Variants in GRIN3A observed in about 807,000 individuals in gnomAD.
The protein encoded by GRIN3A is glutamate ionotropic receptor NMDA type subunit 3A, also known as glutamate receptor ionotropic, NMDA 3A.
Under a neutral mutation model 92.4 loss-of-function variants are expected in GRIN3A, and 47 were observed. That is an observed-to-expected ratio of 0.51 (90% CI 0.40 to 0.65). The LOEUF is 0.65. Among genes scored for constraint, GRIN3A ranks in the 30% least tolerant of loss-of-function variants. The probability of loss-of-function intolerance (pLI) is 0.00; values close to 1 mark genes in which losing one functional copy is unlikely to be tolerated. For synonymous variants in GRIN3A, 527 were observed against 540.6 expected (o/e 0.97, Z 0.35); for missense variants, 1,324 against 1,393.1 (o/e 0.95, Z 0.79).
Position 101,670,538 on chromosome 9 carries a change from G to C in GRIN3A, c.1874C>G (p.Ala625Gly). The C allele has an allele frequency of 6.2e-7, 1 of 1,613,992 alleles. No homozygotes were observed. The highest frequency in any genetic ancestry group is 8.5e-7 in the Non-Finnish European group (1 of 1,179,950). The change falls in exon 3 of 9, where the codon GCC becomes GGC. Residue 625 changes from alanine to glycine, a missense_variant. Ala to Gly is a moderately conservative substitution (Grantham distance 60). Transcript: ENST00000361820. ...GCTAAAGGAAGTGACTGCCATGTGG[G>C]CAGTCCCTCTCAGGAGATCACCCAC... is the stretch of plus-strand genomic sequence containing the variant. ...GLVGDLLRGTAHMAVTSFSIN... is the reference protein window; with the variant it reads ...GLVGDLLRGTGHMAVTSFSIN...
rs1564121654 is a variant in GRIN3A, at chr9:101,594,792, T to A, written c.2767-15432A>T. On this transcript the variant is annotated intron_variant, in intron 6 of 8. Coordinates refer to ENST00000361820, the MANE Select transcript of GRIN3A (RefSeq NM_133445.3). ...TTGTGGCGCAGCTCCGGCAGGGACA[T>A]GAACTCCTCCACGCTCAGAGACCCT... 1.9e-6 allele frequency: 3 copies of A among 1,613,554 alleles called. No homozygotes were observed. In the East Asian group the frequency reaches 6.7e-5, roughly 36 times the overall value.
At chr9:101,633,619 T>A (rs866892187) in intron 3 of GRIN3A, among the ~76,000 whole-genome samples, 52 of 152,308 alleles carry the variant, frequency 3.4e-4, no homozygotes, top group African/African-American at 1.2e-3. Flanking sequence ...AGCGGCATGA[T>A]ATTCTCATAG....
At chr9:101,672,438 C>A (rs1829339996) in intron 2 of GRIN3A, among the ~76,000 whole-genome samples, 1 of 151,890 alleles carries the variant, frequency 6.6e-6, no homozygotes, top group South Asian at 2.1e-4. Context: ...TATGATAAAT[C>A]CATGGCAGTT....
intron 1 of GRIN3A, among the ~76,000 whole-genome samples, chr9:101,731,624 T>A (rs948482483): frequency 2.6e-5 from 4 of 152,174 alleles, no homozygotes; most frequent in African/African-American, 9.7e-5. Flanking sequence ...AGTTTACTCC[T>A]CATGACATAA....
In GRIN3A at chr9:101,738,078, C is replaced by T; in HGVS notation, c.-99G>A. 4 of 996,452 alleles carry T rather than the reference C, an allele frequency of 4.0e-6. No individual in the cohort carries two copies. Among genetic ancestry groups the T allele is most frequent in the Non-Finnish European group, 6.1e-6 (4 of 656,314 alleles). The allele number at this position is 996,452 out of a possible 1,614,324, so 61.7% of individuals were successfully genotyped here. A position where few individuals can be genotyped will look rare whatever the true frequency, so the allele number is the denominator to read the frequency against. ...CTCCGCCTCCAGGTCCCGCGCGCAG[C>T]TTCACTCCACTCGGTGAAGCGGTCC... On this transcript the variant is annotated 5_prime_UTR_variant, in exon 1 of 9. Transcript: ENST00000361820.
At chr9:101,682,826 C>T (rs1458550907) in intron 2 of GRIN3A, among the ~76,000 whole-genome samples, 1 of 151,822 alleles carries the variant, frequency 6.6e-6, no homozygotes, top group Non-Finnish European at 1.5e-5. Context: ...ACTAAAAATA[C>T]AAAAAATTAG....
intron 1 of GRIN3A, among the ~76,000 whole-genome samples, chr9:101,713,372 A>G (rs7020894): frequency 0.37 from 56,647 of 151,952 alleles, 11,313 homozygotes; most frequent in Non-Finnish European, 0.44. Context: ...GTGATTCCCA[A>G]CAAAAAGGGC....
intron 3 of GRIN3A, among the ~76,000 whole-genome samples, chr9:101,639,292 G>T (rs1461778080): frequency 6.6e-6 from 1 of 151,958 alleles, no homozygotes; most frequent in Non-Finnish European, 1.5e-5. Context: ...TCAGGACTGG[G>T]GCTGAACTAG....
At position 101,687,180 on chromosome 9, in the gene GRIN3A, C is replaced by G; in HGVS notation, c.720G>C (p.Leu240=). The change falls in exon 2 of 9, where the codon CTG becomes CTC. Residue 240 remains leucine (L), a synonymous_variant. Transcript: ENST00000361820. ...RESQNPLHLQ[L]SLENSLSSDA... ...CAGAACTTAATGAATTTTCTAAACTCAGTTGTAGGTGAAGGGGATTCTGTA... is the reference window on the plus strand; with the variant it reads ...CAGAACTTAATGAATTTTCTAAACTGAGTTGTAGGTGAAGGGGATTCTGTA... 1 of 1,613,834 alleles carries G rather than the reference C, an allele frequency of 6.2e-7. No individual in the cohort carries two copies. Among genetic ancestry groups the G allele is most frequent in the Non-Finnish European group, 8.5e-7 (1 of 1,179,806 alleles).
intron 6 of GRIN3A, among the ~76,000 whole-genome samples, chr9:101,580,037 A>C (rs552896677): frequency 1.3e-5 from 2 of 152,204 alleles, no homozygotes; most frequent in Admixed American, 1.3e-4. Context: ...TGCTAACACC[A>C]CCATTTTTTG....
At chr9:101,602,887 T>C (rs1162110274) in intron 6 of GRIN3A, 2 of 152,196 alleles carry the variant, frequency 1.3e-5, no homozygotes, top group South Asian at 2.1e-4. Context: ...ATTGTAGGTC[T>C]TGGGCCTGTT....
intron 3 of GRIN3A, among the ~76,000 whole-genome samples, chr9:101,656,463 G>T (rs1219688895): frequency 6.8e-6 from 1 of 147,622 alleles, no homozygotes; most frequent in Non-Finnish European, 1.5e-5. Flanking sequence ...GTCCTAGAAT[G>T]TCACAGATTC....
intron 3 of GRIN3A, among the ~76,000 whole-genome samples, chr9:101,632,636 A>G (rs1296021275): frequency 6.6e-6 from 1 of 152,168 alleles, no homozygotes; most frequent in Non-Finnish European, 1.5e-5. Flanking sequence ...TCAAAATGAT[A>G]TATTCTTCTT....
chr9:101,626,170 A>G (rs891850508), intron 4 of GRIN3A, among the ~76,000 whole-genome samples: 2 of 152,242 alleles, frequency 1.3e-5, no homozygotes, highest in African/African-American at 4.8e-5. Context: ...TATTTCTATT[A>G]TAGAATCATG....
chr9:101,659,962 C>G (rs1829149780), intron 3 of GRIN3A, among the ~76,000 whole-genome samples: 1 of 151,804 alleles, frequency 6.6e-6, no homozygotes, highest in Admixed American at 6.6e-5. Flanking sequence ...TCTGAACTAG[C>G]AAAGCCTTGA....
chr9:101,737,431 A>AT lies in GRIN3A; in HGVS notation c.548_549insA (p.Ser183ArgfsTer67). 1 of 1,614,248 alleles carries AT rather than the reference A, an allele frequency of 6.2e-7. No individual in the cohort carries two copies. Among genetic ancestry groups the AT allele is most frequent in the South Asian group, 1.1e-5 (1 of 91,090 alleles). The stretch of plus-strand genomic sequence containing the variant: ...CTTGCACCACCACGGTATGGCACAC[A>AT]CTTTGCAGGAAGGAGAAAGGGTCAC... On this transcript the variant is annotated frameshift_variant, in exon 1 of 9. Coordinates refer to ENST00000361820, the MANE Select transcript of GRIN3A (RefSeq NM_133445.3). LOFTEE classifies it high-confidence loss of function.
intron 6 of GRIN3A, among the ~76,000 whole-genome samples, chr9:101,610,619 A>ATCTATCTATCTATG (rs35988009): frequency 0.024 from 3,637 of 150,610 alleles, 65 homozygotes; most frequent in Non-Finnish European, 0.034. Flanking sequence ...CTATCTATCT[A>ATCTATCTATCTATG]TCTATCATCT....
chr9:101,636,980 C>T (rs1315743435), intron 3 of GRIN3A, among the ~76,000 whole-genome samples: 1 of 152,132 alleles, frequency 6.6e-6, no homozygotes. Context: ...CCTTATGTGC[C>T]CTTGGGGGTT....
In GRIN3A at chr9:101,572,959, C is replaced by T. The variant is rs1412234973; in HGVS notation, c.*215G>A. On this transcript the variant is annotated 3_prime_UTR_variant, in exon 9 of 9. Coordinates refer to ENST00000361820, the MANE Select transcript of GRIN3A (RefSeq NM_133445.3). Reference sequence around the variant, plus strand: ...ACAGAGCTTACTCCTGACTAAGATTCTTGCTAGAAAAACACTCCTACCCTG... The same window carrying T: ...ACAGAGCTTACTCCTGACTAAGATTTTTGCTAGAAAAACACTCCTACCCTG... 1.7e-6 allele frequency: 1 copy of T among 574,122 alleles called. No individual in the cohort carries two copies. Among genetic ancestry groups the T allele is most frequent in the Non-Finnish European group, 3.1e-6 (1 of 320,196 alleles). 35.6% of individuals were successfully genotyped at this position (574,122 alleles called of 1,614,324 possible).
Sources: gnomAD v4.1 joint callset for allele counts (sites outside exome capture counted in the v4.1 genomes callset) on GRCh38, gnomAD v4.1.1 for gene constraint, MANE v1.5 for transcripts, NCBI Gene and HGNC (gene_info 2026-07-23, HGNC 2026-07-21) for gene names.